CFAP54: variants seen among roughly 807,000 people sequenced by gnomAD.
CFAP54 encodes cilia and flagella associated protein 54.
Under a neutral mutation model 370.4 loss-of-function variants are expected in CFAP54, and 290 were observed. That is an observed-to-expected ratio of 0.78 (90% CI 0.71 to 0.86). The LOEUF is 0.86. CFAP54 is among the 40% of genes least tolerant of loss of function. The pLI is 0.00. For missense variants in CFAP54, 3,399 were observed against 3,528.7 expected (o/e 0.96, Z 0.93); for synonymous variants, 1,206 against 1,236.5 (o/e 0.98, Z 0.52).
At chr12:96,599,849 GTTGT>G (rs575624570) in intron 26 of CFAP54, among the ~76,000 whole-genome samples, 2,222 of 152,180 alleles carry the variant, frequency 0.015, 64 homozygotes, top group African/African-American at 0.051. Flanking sequence ...ACTTTTTGGG[GTTGT>G]TTGTTTTTTT....
intron 1 of CFAP54, among the ~76,000 whole-genome samples, 159 bp from the exon 2 acceptor site, chr12:96,500,675 A>C (rs7959697): frequency 0.42 from 63,454 of 152,056 alleles, 13,751 homozygotes; most frequent in South Asian, 0.46. Context: ...GGAAGCAATA[A>C]TTTTAACTGT....
intron 26 of CFAP54, among the ~76,000 whole-genome samples, chr12:96,607,619 A>G (rs1023563712): frequency 6.6e-6 from 1 of 152,192 alleles, no homozygotes; most frequent in African/African-American, 2.4e-5. Context: ...GGTAGAAAAG[A>G]AAAGCAAATG....
intron 42 of CFAP54, among the ~76,000 whole-genome samples, chr12:96,687,791 C>G (rs1387787159): frequency 6.6e-6 from 1 of 152,106 alleles, no homozygotes; most frequent in Non-Finnish European, 1.5e-5. Context: ...CTTATTGGAG[C>G]TTGGCAATTG....
chr12:96,494,516 G>C (rs752205601), intron 1 of CFAP54, among the ~76,000 whole-genome samples: 1 of 151,810 alleles, frequency 6.6e-6, no homozygotes, highest in Non-Finnish European at 1.5e-5. Flanking sequence ...GGCCAGGCTG[G>C]TCTCAAACTC....
chr12:96,650,205 G>A, intron 35 of CFAP54, 133 bp downstream of exon 35: 2 of 771,216 alleles, frequency 2.6e-6, no homozygotes, highest in Non-Finnish European at 4.1e-6. Context: ...TCATCTTGCT[G>A]GGTGTATCCT....
intron 2 of CFAP54, chr12:96,501,186 G>C (rs1955021531): frequency 5.9e-6 from 2 of 336,954 alleles, no homozygotes; most frequent in Admixed American, 9.1e-5. Flanking sequence ...ATGGGCAGGA[G>C]GGTGGCCGGG....
chr12:96,602,785 T>G (rs1213253897), intron 26 of CFAP54, among the ~76,000 whole-genome samples: 1 of 151,934 alleles, frequency 6.6e-6, no homozygotes, highest in Non-Finnish European at 1.5e-5. Context: ...CAACCCCTGC[T>G]TTTTTTTGCT....
At chr12:96,617,867 G>A (rs971836931) in intron 26 of CFAP54, among the ~76,000 whole-genome samples, 2 of 151,776 alleles carry the variant, frequency 1.3e-5, no homozygotes, top group African/African-American at 4.8e-5. Flanking sequence ...GCGGGCGCCT[G>A]TAGTCCCAGC....
At chr12:96,593,489 C>T (rs1305023577) in intron 24 of CFAP54, among the ~76,000 whole-genome samples, 1 of 152,056 alleles carries the variant, frequency 6.6e-6, no homozygotes, top group Non-Finnish European at 1.5e-5. Flanking sequence ...TCCTGTAGAG[C>T]CCAAGTACTC....
intron 40 of CFAP54, among the ~76,000 whole-genome samples, chr12:96,683,039 C>T (rs1221132642): frequency 6.6e-6 from 1 of 152,158 alleles, no homozygotes; most frequent in Non-Finnish European, 1.5e-5. Context: ...ACCCAATGTT[C>T]TCTTTTTTCC....
At chr12:96,501,811 A>T (rs1201411945) in intron 2 of CFAP54, among the ~76,000 whole-genome samples, 1 of 152,228 alleles carries the variant, frequency 6.6e-6, no homozygotes, top group Admixed American at 6.5e-5. Context: ...ATAATGAAGA[A>T]CTAAGATCTA....
intron 9 of CFAP54, 67 bp downstream of exon 9, chr12:96,527,511 T>C: frequency 9.6e-7 from 1 of 1,038,666 alleles, no homozygotes; most frequent in Non-Finnish European, 1.3e-6. Context: ...AATTTTAACA[T>C]GGTAGTCCAT....
intron 55 of CFAP54, among the ~76,000 whole-genome samples, chr12:96,750,444 T>C (rs143806654): frequency 1.5e-3 from 229 of 152,378 alleles, no homozygotes; most frequent in African/African-American, 5.3e-3. Context: ...ATCATTGTTA[T>C]ATGTTGATGA....
chr12:96,806,868 C>T (rs570443160), intron 63 of CFAP54, among the ~76,000 whole-genome samples: 3 of 152,058 alleles, frequency 2.0e-5, no homozygotes, highest in Non-Finnish European at 2.9e-5. Context: ...ATGGCTGTTG[C>T]GACTCAAAGT....
At chr12:96,808,079 C>G (rs899901172) in intron 63 of CFAP54, among the ~76,000 whole-genome samples, 3 of 152,096 alleles carry the variant, frequency 2.0e-5, no homozygotes, top group African/African-American at 7.2e-5. Flanking sequence ...AAAAAGTTGC[C>G]TTATCTTTAA....
At chr12:96,729,543 G>A (rs1485206809) in intron 50 of CFAP54, among the ~76,000 whole-genome samples, 41 of 152,244 alleles carry the variant, frequency 2.7e-4, no homozygotes, top group Admixed American at 2.6e-3. Context: ...CATCGGAAAA[G>A]CTCAGTATTC....
At chr12:96,665,033 CATT>C (rs761113967) in intron 39 of CFAP54, among the ~76,000 whole-genome samples, 6 of 151,444 alleles carry the variant, frequency 4.0e-5, no homozygotes, top group East Asian at 1.9e-4. Context: ...GATGGTATCT[CATT>C]GTTGTTTTGA....
chr12:96,495,859 T>G (rs1174427319), intron 1 of CFAP54, among the ~76,000 whole-genome samples: 1 of 152,198 alleles, frequency 6.6e-6, no homozygotes. Flanking sequence ...GTATTTTTCT[T>G]TTATGAGTAA....
intron 46 of CFAP54, among the ~76,000 whole-genome samples, chr12:96,701,738 A>T (rs142285033): frequency 1.3e-5 from 2 of 152,168 alleles, no homozygotes; most frequent in East Asian, 3.9e-4. Context: ...GATGTGGTTG[A>T]GGAAAACCAA....
Sources: gnomAD v4.1 joint callset for allele counts (sites outside exome capture counted in the v4.1 genomes callset) on GRCh38, gnomAD v4.1.1 for gene constraint, MANE v1.5 for transcripts, NCBI Gene and HGNC (gene_info 2026-07-23, HGNC 2026-07-21) for gene names.